Variants in SMIM17 observed in about 807,000 individuals in gnomAD.
The protein encoded by SMIM17 is small integral membrane protein 17.
A neutral mutation model predicts 12.2 loss-of-function variants in SMIM17; 10 were observed. The ratio of observed to expected loss-of-function variants is 0.82; its 90% CI spans 0.50 to 1.39. The LOEUF is 1.39. Ranked by LOEUF, SMIM17 falls within the 40% of genes most tolerant of loss-of-function variation. The pLI is 0.00. For synonymous variants in SMIM17, 50 were observed against 44.1 expected (o/e 1.13, Z -0.53); for missense variants, 136 against 118.2 (o/e 1.15, Z -0.70).
chr19:56,652,060 T>G (rs2045113327), intron 3 of SMIM17, among the ~76,000 whole-genome samples: 1 of 130,356 alleles, frequency 7.7e-6, no homozygotes, highest in Admixed American at 9.8e-5. Flanking sequence ...GCTGAGATTG[T>G]GCCACTGCAC....
At chr19:56,653,756 T>C (rs2045127224) in intron 3 of SMIM17, among the ~76,000 whole-genome samples, 1 of 152,190 alleles carries the variant, frequency 6.6e-6, no homozygotes, top group South Asian at 2.1e-4. Flanking sequence ...AGATTTGAAA[T>C]AAGGTGTCAT....
At chr19:56,652,686 A>T (rs955785183) in intron 3 of SMIM17, among the ~76,000 whole-genome samples, 8 of 151,028 alleles carry the variant, frequency 5.3e-5, no homozygotes, top group Non-Finnish European at 5.9e-5. Flanking sequence ...AGAGAGAGAG[A>T]GAGTTATCCT....
intron 3 of SMIM17, among the ~76,000 whole-genome samples, chr19:56,652,451 A>G (rs1389058644): frequency 6.6e-6 from 1 of 151,948 alleles, no homozygotes; most frequent in Non-Finnish European, 1.5e-5. Context: ...TCAGGAGTTC[A>G]AGACCAGCCT....
chr19:56,643,900 T>C (rs543679701), intron 1 of SMIM17, among the ~76,000 whole-genome samples: 95 of 152,304 alleles, frequency 6.2e-4, no homozygotes, highest in Admixed American at 1.6e-3. Flanking sequence ...GGTATTTTTA[T>C]TGCTTTTACT....
rs1190607051 is a variant in SMIM17 at position 56,655,830 on chromosome 19, C to T, written c.*617C>T. 1.3e-5 allele frequency: 2 copies of T among 152,202 alleles called. No homozygotes were observed. The highest frequency in any genetic ancestry group is 2.9e-5 in the Non-Finnish European group (2 of 68,106). 9.4% of individuals were successfully genotyped at this position (152,202 alleles called of 1,614,324 possible). Reference sequence around the variant, plus strand: ...CATGAATTCATTGTTATAACCAGGTCATAGAGTCATGGAGAGAACGTTTCA... The same window carrying T: ...CATGAATTCATTGTTATAACCAGGTTATAGAGTCATGGAGAGAACGTTTCA... On this transcript the variant is annotated 3_prime_UTR_variant, in exon 4 of 4. Transcript: ENST00000598409.
intron 3 of SMIM17, among the ~76,000 whole-genome samples, chr19:56,651,227 A>G (rs1248899514): frequency 2.0e-5 from 3 of 152,152 alleles, no homozygotes; most frequent in African/African-American, 7.2e-5. Flanking sequence ...AGATGGGAAA[A>G]CTAAGGCACA....
chr19:56,649,002 G>A (rs868732692), intron 3 of SMIM17, among the ~76,000 whole-genome samples: 6 of 152,280 alleles, frequency 3.9e-5, no homozygotes, highest in Middle Eastern at 3.4e-3. Flanking sequence ...GCAGGGATGA[G>A]GGCGAGGGAA....
In SMIM17 at chr19:56,647,420, T is replaced by TGAGAGAGAGAGAGAGAGA. The variant is rs72370552; in HGVS notation, c.170-124_170-107dup. The stretch of plus-strand genomic sequence containing the variant: ...GAGAGAGAGAGAGAGAGAAGGAGGG[T>TGAGAGAGAGAGAGAGAGA]GAGAGAGAGAGAGAGAGAGAGAGAG... On this transcript the variant is annotated intron_variant, in intron 2 of 3. Coordinates refer to ENST00000598409, the MANE Select transcript of SMIM17 (RefSeq NM_001193628.2). The TGAGAGAGAGAGAGAGAGA allele has an allele frequency of 1.3e-3, 707 of 548,422 alleles. 13 individuals carry two copies. In the African/African-American group the frequency reaches 0.014, roughly 11 times the overall value. 34.0% of individuals were successfully genotyped at this position (548,422 alleles called of 1,614,324 possible). A position where few individuals can be genotyped will look rare whatever the true frequency, so the allele number is the denominator to read the frequency against.
Position 56,655,308 on chromosome 19 carries a change from G to T in SMIM17, c.*95G>T. The stretch of plus-strand genomic sequence containing the variant: ...TGTGCTAGTTAAAAATCAGGAATAG[G>T]TGTTGAATATTTTCAAATGCCTTTC... On this transcript the variant is annotated 3_prime_UTR_variant, in exon 4 of 4. Coordinates refer to ENST00000598409, the MANE Select transcript of SMIM17 (RefSeq NM_001193628.2). The T allele has an allele frequency of 7.2e-6, 4 of 552,022 alleles. No individual in the cohort carries two copies. The highest frequency in any genetic ancestry group is 1.3e-5 in the Non-Finnish European group (4 of 305,036). The allele number at this position is 552,022 out of a possible 1,614,324, so 34.2% of individuals were successfully genotyped here. A position where few individuals can be genotyped will look rare whatever the true frequency, so the allele number is the denominator to read the frequency against.
chr19:56,647,440 AGAGAGAGAGAG>A, intron 2 of SMIM17, 107 bp from the exon 3 acceptor site: 2 of 581,392 alleles, frequency 3.4e-6, no homozygotes, highest in Non-Finnish European at 5.9e-6. Context: ...AGAGAGAGAG[AGAGAGAGAGAG>A]GAGGCTATTA....
chr19:56,652,329 C>T (rs74258067), intron 3 of SMIM17, among the ~76,000 whole-genome samples: 6,173 of 151,878 alleles, frequency 0.041, 147 homozygotes, highest in East Asian at 0.076. Flanking sequence ...TCCGTCTTAT[C>T]GCAAGGGAAC....
At position 56,656,025 on chromosome 19, in the gene SMIM17, C is replaced by T. The variant is rs191875379; in HGVS notation, c.*812C>T. 6.7e-6 allele frequency among the ~76,000 whole-genome samples: 1 copy of T among 149,358 alleles called. No individual in the cohort carries two copies. The highest frequency in any genetic ancestry group is 2.0e-4 in the East Asian group (1 of 5,006). On this transcript the variant is annotated 3_prime_UTR_variant, in exon 4 of 4. Coordinates refer to ENST00000598409, the MANE Select transcript of SMIM17 (RefSeq NM_001193628.2). ...GGAGTGCAGTGGCGCCATCTCGGCT[C>T]ACTGTAAGCAGAGGGTTCATGCCAT...
intron 3 of SMIM17, among the ~76,000 whole-genome samples, chr19:56,653,381 A>G (rs969470636): frequency 6.6e-6 from 1 of 152,170 alleles, no homozygotes; most frequent in South Asian, 2.1e-4. Flanking sequence ...ACAGTTTTCC[A>G]TTTAATATAT....
rs914522432 is a variant in SMIM17 at position 56,648,116 on chromosome 19, A to G, written c.246+482A>G. ...ATCCATCCATCCATCCCTATACTTC[A>G]TCTGTTTATCCACTTATCCATCCAT... On this transcript the variant is annotated intron_variant, in intron 3 of 3. Transcript: ENST00000598409. Among the ~76,000 whole-genome samples, 6 of 130,238 alleles carry G rather than the reference A, an allele frequency of 4.6e-5. No individual in the cohort carries two copies. The Admixed American group carries it at 4.7e-4, about 10-fold the overall frequency. The allele number at this position is 130,238 out of a possible 152,430, so 85.4% of individuals were successfully genotyped here. A position where few individuals can be genotyped will look rare whatever the true frequency, so the allele number is the denominator to read the frequency against.
At chr19:56,649,185 G>C (rs141362254) in intron 3 of SMIM17, among the ~76,000 whole-genome samples, 17 of 152,334 alleles carry the variant, frequency 1.1e-4, no homozygotes, top group African/African-American at 4.1e-4. Flanking sequence ...GCATAGCAGG[G>C]AAGGGAACAA....
chr19:56,645,623 G>A lies in SMIM17; in HGVS notation c.-45G>A, dbSNP rs1600615533. 2.1e-6 allele frequency: 3 copies of A among 1,436,732 alleles called. No homozygotes were observed. The highest frequency in any genetic ancestry group is 2.9e-5 in the African/African-American group (2 of 69,278). 89.0% of individuals were successfully genotyped at this position (1,436,732 alleles called of 1,614,324 possible). On this transcript the variant is annotated 5_prime_UTR_variant, in exon 2 of 4. Transcript: ENST00000598409. ...ACCAGAGAGGACCCTGGAGCAGGAGGAGAAAGAGAAGCTTGTCTCAGAAGC... is the reference window on the plus strand; with the variant it reads ...ACCAGAGAGGACCCTGGAGCAGGAGAAGAAAGAGAAGCTTGTCTCAGAAGC...
Position 56,647,608 on chromosome 19 carries a change from GAA to G in SMIM17, c.221_222del (p.Glu74GlyfsTer2). 1 of 1,535,422 alleles carries G rather than the reference GAA, an allele frequency of 6.5e-7. No homozygotes were observed. Among genetic ancestry groups the G allele is most frequent in the Non-Finnish European group, 8.7e-7 (1 of 1,146,606 alleles). On this transcript the variant is annotated frameshift_variant, in exon 3 of 4. Coordinates refer to ENST00000598409, the MANE Select transcript of SMIM17 (RefSeq NM_001193628.2). LOFTEE classifies it high-confidence loss of function. ...TTCCCAGGAGTGGAGCTCGGTGGAG[GAA>G]GATGACGAATCAGAGGGCTCCCAGG... ...GLSQEWSSVE[E>X]DDESEGSQGF...
chr19:56,648,546 A>C (rs1385650474), intron 3 of SMIM17, among the ~76,000 whole-genome samples: 3 of 152,002 alleles, frequency 2.0e-5, no homozygotes, highest in Admixed American at 6.6e-5. Flanking sequence ...CCACCCACCT[A>C]TTCATCCCTC....
chr19:56,652,218 G>A (rs1341941543), intron 3 of SMIM17, among the ~76,000 whole-genome samples: 1 of 151,692 alleles, frequency 6.6e-6, no homozygotes, highest in Non-Finnish European at 1.5e-5. Flanking sequence ...GTGCTTGATT[G>A]AGGGTTGTGC....
Sources: allele counts gnomAD v4.1 joint callset (sites outside exome capture counted in the v4.1 genomes callset), GRCh38; gene constraint gnomAD v4.1.1; transcripts MANE v1.5; gene names NCBI Gene and HGNC (gene_info 2026-07-23, HGNC 2026-07-21).